Variants in PTPRG observed in about 807,000 individuals in gnomAD.
The protein encoded by PTPRG is protein tyrosine phosphatase receptor type G.
PTPRG carries 102 observed loss-of-function variants against 165.3 expected under a neutral mutation model. The ratio of observed to expected loss-of-function variants is 0.62; its 90% CI spans 0.53 to 0.73. The LOEUF (loss-of-function observed/expected upper bound fraction) is 0.73. Among genes scored for constraint, PTPRG ranks in the 30% least tolerant of loss-of-function variants. The pLI, the probability that PTPRG is intolerant of heterozygous loss-of-function variation, is 0.00. For synonymous variants in PTPRG, 675 were observed against 669.5 expected (o/e 1.01, Z -0.13); for missense variants, 1,866 against 1,861.4 (o/e 1.00, Z -0.05).
chr3:61,767,486 A>G (rs1393493659), intron 2 of PTPRG, among the ~76,000 whole-genome samples: 1 of 152,166 alleles, frequency 6.6e-6, no homozygotes, highest in Non-Finnish European at 1.5e-5. Flanking sequence ...CCTTGGCAGA[A>G]TATGTTTTAC....
chr3:62,000,260 A>G (rs964110739), intron 3 of PTPRG, among the ~76,000 whole-genome samples: 18 of 150,034 alleles, frequency 1.2e-4, no homozygotes, highest in Admixed American at 4.0e-4. Flanking sequence ...CAGCCTGGGC[A>G]ACAGAGCGAG....
intron 2 of PTPRG, among the ~76,000 whole-genome samples, chr3:61,843,914 T>C (rs76253205): frequency 0.011 from 1,698 of 151,770 alleles, 35 homozygotes; most frequent in African/African-American, 0.04. Context: ...AATAATATTA[T>C]AGTTTATGTT....
intron 2 of PTPRG, among the ~76,000 whole-genome samples, chr3:61,846,197 T>C (rs2036801220): frequency 6.6e-6 from 1 of 152,212 alleles, no homozygotes; most frequent in Admixed American, 6.5e-5. Context: ...ATTTTATTAT[T>C]TATACCTGTA....
intron 1 of PTPRG, among the ~76,000 whole-genome samples, chr3:61,618,248 C>T (rs772911505): frequency 9.9e-5 from 15 of 152,246 alleles, no homozygotes; most frequent in Non-Finnish European, 1.5e-4. Context: ...ATCCACATGC[C>T]TTTCTAATTT....
chr3:62,009,765 A>G (rs1008719131), intron 4 of PTPRG, among the ~76,000 whole-genome samples: 1 of 152,106 alleles, frequency 6.6e-6, no homozygotes, highest in African/African-American at 2.4e-5. Context: ...TTCCTGCCTT[A>G]CTTAGATGTG....
chr3:61,883,634 A>G (rs1199414639), intron 2 of PTPRG, among the ~76,000 whole-genome samples: 1 of 152,232 alleles, frequency 6.6e-6, no homozygotes, highest in Non-Finnish European at 1.5e-5. Context: ...TGAGATTAAT[A>G]TAAAAATACA....
At chr3:62,146,342 A>G (rs980397306) in intron 6 of PTPRG, among the ~76,000 whole-genome samples, 6 of 152,158 alleles carry the variant, frequency 3.9e-5, no homozygotes, top group Non-Finnish European at 8.8e-5. Flanking sequence ...GTGGCTATTC[A>G]TGACCTTGGA....
intron 12 of PTPRG, among the ~76,000 whole-genome samples, chr3:62,209,443 A>T (rs1447263711): frequency 1.3e-5 from 2 of 152,234 alleles, no homozygotes; most frequent in Admixed American, 1.3e-4. Context: ...GACAAAAATA[A>T]GTACCAGTAC....
In PTPRG at chr3:62,203,375, C is replaced by T; in HGVS notation, c.1580C>T (p.Ser527Phe). 2.5e-6 allele frequency: 4 copies of T among 1,613,284 alleles called. No individual in the cohort carries two copies. The highest frequency in any genetic ancestry group is 3.4e-6 in the Non-Finnish European group (4 of 1,179,708). ...AGLGFGGGGI[S>F]SFPSTVWPTR... ...CTGGGGTTCGGCGGTGGTGGCATCTCCTCTTTCCCCAGCACTGTGTGGCCC... is the reference window on the plus strand; with the variant it reads ...CTGGGGTTCGGCGGTGGTGGCATCTTCTCTTTCCCCAGCACTGTGTGGCCC... The change falls in exon 12 of 30, where the codon TCC becomes TTC. Residue 527 changes from serine to phenylalanine, a missense_variant. Ser to Phe is a radical substitution (Grantham distance 155). Coordinates refer to ENST00000474889, the MANE Select transcript of PTPRG (RefSeq NM_002841.4). The surrounding 1 kb of genome is among the most constrained non-coding windows in gnomAD (Gnocchi z 6.4).
At chr3:62,138,624 C>G (rs1466942239) in intron 6 of PTPRG, among the ~76,000 whole-genome samples, 4 of 138,952 alleles carry the variant, frequency 2.9e-5, no homozygotes, top group African/African-American at 8.0e-5. Context: ...GAGGCTGAGG[C>G]AGGAGAATCA....
chr3:61,779,914 G>A (rs1248115518), intron 2 of PTPRG, among the ~76,000 whole-genome samples: 2 of 152,152 alleles, frequency 1.3e-5, no homozygotes, highest in South Asian at 2.1e-4. Context: ...GCTCTGAGGC[G>A]ATAATTGATC....
chr3:62,031,567 GTGAGCTACCTGA>G (rs919211683), intron 4 of PTPRG, among the ~76,000 whole-genome samples: 3 of 152,186 alleles, frequency 2.0e-5, no homozygotes, highest in Non-Finnish European at 4.4e-5. Flanking sequence ...AAGTAGCGCA[GTGAGCTACCTGA>G]TCCTGGTAGA....
intron 2 of PTPRG, among the ~76,000 whole-genome samples, chr3:61,940,578 T>C (rs1364203914): frequency 6.6e-6 from 1 of 152,222 alleles, no homozygotes; most frequent in African/African-American, 2.4e-5. Context: ...TTTGTTCTCT[T>C]GGTAGAATTA....
At chr3:61,635,304 G>GT (rs1226093093) in intron 1 of PTPRG, among the ~76,000 whole-genome samples, 4 of 149,932 alleles carry the variant, frequency 2.7e-5, no homozygotes, top group Admixed American at 2.0e-4. Flanking sequence ...ATGCTGTTTA[G>GT]TTTTTACCAA....
At chr3:61,637,668 C>T (rs796473860) in intron 1 of PTPRG, among the ~76,000 whole-genome samples, 6 of 152,284 alleles carry the variant, frequency 3.9e-5, no homozygotes, top group African/African-American at 1.4e-4. Flanking sequence ...TAGGAGTCCA[C>T]CGGGGTTGCG....
At chr3:61,706,574 A>G (rs1057386938) in intron 1 of PTPRG, among the ~76,000 whole-genome samples, 12 of 144,394 alleles carry the variant, frequency 8.3e-5, no homozygotes, top group African/African-American at 3.1e-4. Flanking sequence ...GCTCACTGCC[A>G]CCTCCGCCTC....
chr3:61,917,135 C>T (rs542163076), intron 2 of PTPRG, among the ~76,000 whole-genome samples: 2 of 152,246 alleles, frequency 1.3e-5, no homozygotes, highest in South Asian at 4.2e-4. Context: ...TCCCCTGCAG[C>T]TGCTGAGACA....
chr3:62,058,195 C>T (rs1444235897), intron 4 of PTPRG, among the ~76,000 whole-genome samples: 1 of 152,144 alleles, frequency 6.6e-6, no homozygotes, highest in Non-Finnish European at 1.5e-5. Context: ...TGTACCTAGC[C>T]CAAGCTATCT....
At position 61,894,628 on chromosome 3, in the gene PTPRG, C is replaced by T. The variant is rs563940077; in HGVS notation, c.191-94997C>T. Among the ~76,000 whole-genome samples the T allele has an allele frequency of 9.2e-5, 14 of 152,290 alleles. No homozygotes were observed. The South Asian group carries it at 1.0e-3, about 11-fold the overall frequency. On this transcript the variant is annotated intron_variant, in intron 2 of 29. Coordinates refer to ENST00000474889, the MANE Select transcript of PTPRG (RefSeq NM_002841.4). ...AGACTTACTAAAGGTAATCGCCTAA[C>T]TTAATGTCACCCAGATATTAGATAT...
Sources: allele counts gnomAD v4.1 joint callset (sites outside exome capture counted in the v4.1 genomes callset), GRCh38; gene constraint gnomAD v4.1.1; non-coding constraint Gnocchi (gnomAD v3.1); transcripts MANE v1.5; gene names NCBI Gene and HGNC (gene_info 2026-07-23, HGNC 2026-07-21).